Variants in CEP85L observed in about 807,000 individuals in gnomAD.
The protein encoded by CEP85L is centrosomal protein 85L.
In CEP85L, 60 loss-of-function variants were observed where a neutral mutation model predicts 100.3. That is an observed-to-expected ratio of 0.60 (90% CI 0.49 to 0.74). CEP85L has a LOEUF of 0.74. CEP85L is among the 30% of genes least tolerant of loss of function. The pLI is 0.00. For synonymous variants in CEP85L, 319 were observed against 322.7 expected (o/e 0.99, Z 0.12); for missense variants, 973 against 936.2 (o/e 1.04, Z -0.51).
chr6:118,549,370 T>C (rs1778400285), intron 3 of CEP85L, among the ~76,000 whole-genome samples: 1 of 151,944 alleles, frequency 6.6e-6, no homozygotes. Context: ...CTATTCTTTA[T>C]GTTACAATCC....
chr6:118,544,175 A>C (rs1201064046), intron 3 of CEP85L, among the ~76,000 whole-genome samples: 1 of 152,228 alleles, frequency 6.6e-6, no homozygotes, highest in East Asian at 1.9e-4. Context: ...TTAAATTGAA[A>C]TAGAACCTTC....
intron 3 of CEP85L, among the ~76,000 whole-genome samples, chr6:118,558,490 A>G (rs780064073): frequency 1.6e-4 from 25 of 152,024 alleles, no homozygotes; most frequent in Non-Finnish European, 2.8e-4. Flanking sequence ...ACTGAGGATT[A>G]CTCCAATACT....
At chr6:118,510,730 C>G (rs955873005) in intron 5 of CEP85L, among the ~76,000 whole-genome samples, 1 of 152,130 alleles carries the variant, frequency 6.6e-6, no homozygotes, top group African/African-American at 2.4e-5. Flanking sequence ...ACAAGAATAT[C>G]TGCATATGAG....
At chr6:118,468,871 A>T (rs1169706880) in intron 12 of CEP85L, among the ~76,000 whole-genome samples, 1 of 152,222 alleles carries the variant, frequency 6.6e-6, no homozygotes, top group African/African-American at 2.4e-5. Context: ...CAGGCATTCT[A>T]CCAAGTGGCA....
intron 1 of CEP85L, among the ~76,000 whole-genome samples, chr6:118,677,002 T>A (rs1025953603): frequency 6.6e-6 from 1 of 152,198 alleles, no homozygotes; most frequent in African/African-American, 2.4e-5. Context: ...TTTTGACAAA[T>A]GCCTGTTAGC....
At chr6:118,476,724 G>A (rs1314068331) in intron 10 of CEP85L, among the ~76,000 whole-genome samples, 1 of 152,120 alleles carries the variant, frequency 6.6e-6, no homozygotes, top group Non-Finnish European at 1.5e-5. Flanking sequence ...TTTTGAGACT[G>A]GTGGTTCCAA....
intron 3 of CEP85L, among the ~76,000 whole-genome samples, chr6:118,557,211 C>T (rs1459564391): frequency 6.6e-6 from 1 of 152,158 alleles, no homozygotes; most frequent in African/African-American, 2.4e-5. Context: ...CCATTTAACA[C>T]TATTTTATTT....
chr6:118,648,099 C>T (rs886233487), intron 1 of CEP85L, among the ~76,000 whole-genome samples: 2 of 152,032 alleles, frequency 1.3e-5, no homozygotes, highest in African/African-American at 4.8e-5. Context: ...ACTAAAAATA[C>T]AAAAATTAGC....
intron 2 of CEP85L, among the ~76,000 whole-genome samples, chr6:118,571,868 T>A (rs552255756): frequency 1.4e-4 from 22 of 152,236 alleles, no homozygotes; most frequent in African/African-American, 5.1e-4. Flanking sequence ...TTTTGTTTTG[T>A]TTTCTTGGAG....
chr6:118,605,051 T>C (rs1424140297), intron 2 of CEP85L, among the ~76,000 whole-genome samples: 1 of 152,182 alleles, frequency 6.6e-6, no homozygotes, highest in Non-Finnish European at 1.5e-5. Context: ...GTGTAAGATT[T>C]TTCATTGCCA....
intron 2 of CEP85L, among the ~76,000 whole-genome samples, chr6:118,591,814 C>A (rs1034931728): frequency 3.3e-5 from 5 of 152,126 alleles, no homozygotes; most frequent in Non-Finnish European, 1.5e-5. Flanking sequence ...GCACCAAGAA[C>A]CTGGACACCC....
intron 1 of CEP85L, among the ~76,000 whole-genome samples, chr6:118,649,942 A>C (rs1414019190): frequency 2.6e-5 from 4 of 152,218 alleles, no homozygotes; most frequent in African/African-American, 9.6e-5. Context: ...ACAAATATCT[A>C]AACTATCAAA....
At chr6:118,594,863 A>C (rs11759573) in intron 2 of CEP85L, among the ~76,000 whole-genome samples, 2,116 of 145,418 alleles carry the variant, frequency 0.015, 21 homozygotes, top group Non-Finnish European at 0.019. Context: ...CAAAAAAAAA[A>C]AAACAAACAA....
chr6:118,545,684 T>C (rs942529892), intron 3 of CEP85L, among the ~76,000 whole-genome samples: 11 of 152,210 alleles, frequency 7.2e-5, no homozygotes, highest in African/African-American at 2.7e-4. Flanking sequence ...CATGATTCAG[T>C]TGAAACTGAA....
At chr6:118,610,911 T>C (rs1366376883) in intron 2 of CEP85L, among the ~76,000 whole-genome samples, 3 of 152,036 alleles carry the variant, frequency 2.0e-5, no homozygotes, top group Non-Finnish European at 4.4e-5. Flanking sequence ...AGACTAGAAA[T>C]GTGTATCCAG....
chr6:118,601,816 C>T (rs1344878362), intron 2 of CEP85L, among the ~76,000 whole-genome samples: 1 of 152,132 alleles, frequency 6.6e-6, no homozygotes, highest in African/African-American at 2.4e-5. Context: ...GTGAGGACAA[C>T]CAGAGGTAAA....
At chr6:118,558,626 T>TACACACACACACACACAC (rs371775061) in intron 3 of CEP85L, among the ~76,000 whole-genome samples, 15 of 111,662 alleles carry the variant, frequency 1.3e-4, no homozygotes, top group African/African-American at 4.2e-4. Flanking sequence ...CACGTGCACA[T>TACACACACACACACACAC]ACACACACAC....
At chr6:118,638,102 T>C (rs1216912785) in intron 1 of CEP85L, among the ~76,000 whole-genome samples, 1 of 151,638 alleles carries the variant, frequency 6.6e-6, no homozygotes, top group African/African-American at 2.4e-5. Flanking sequence ...GCAATATACA[T>C]CATGTGTAGC....
At chr6:118,572,013 C>A (rs931564063) in intron 2 of CEP85L, among the ~76,000 whole-genome samples, 3 of 151,964 alleles carry the variant, frequency 2.0e-5, no homozygotes, top group Admixed American at 6.6e-5. Context: ...AGCACCACCA[C>A]ACCTGGCTAA....
Sources: allele counts gnomAD v4.1 joint callset (sites outside exome capture counted in the v4.1 genomes callset), GRCh38; gene constraint gnomAD v4.1.1; transcripts MANE v1.5; gene names NCBI Gene and HGNC (gene_info 2026-07-23, HGNC 2026-07-21).